The following PRKN variants were observed in gnomAD, a reference collection of about 807,000 sequenced individuals.
PRKN encodes the protein parkin RBR E3 ubiquitin protein ligase.
Under a neutral mutation model 59.5 loss-of-function variants are expected in PRKN, and 56 were observed. The ratio of observed to expected loss-of-function variants is 0.94; its 90% CI spans 0.76 to 1.18. PRKN has a LOEUF of 1.18. Ranked by LOEUF, PRKN falls within the 50% of genes most tolerant of loss-of-function variation. PRKN has a pLI of 0.00. For synonymous variants in PRKN, 250 were observed against 222.1 expected, an observed-to-expected ratio of 1.13 and a Z score of -1.12; for missense variants, 657 against 596.4, an observed-to-expected ratio of 1.10 and a Z score of -1.06.
rs10674600 is a variant in PRKN at position 161,572,660 on chromosome 6, C to CAATAAATAAATAAATA, written c.872-3260_872-3245dup. ...GGGCAACAACAGCAAGACTCTGTCTCAATAAATAAATAAATAAATAAATAA... is the reference window on the plus strand; with the variant it reads ...GGGCAACAACAGCAAGACTCTGTCTCAATAAATAAATAAATAAATAAATAAATAAATAAATAAATAA... On this transcript the variant is annotated intron_variant, in intron 7 of 11. Coordinates refer to ENST00000366898, the MANE Select transcript of PRKN (RefSeq NM_004562.3). 5.3e-3 allele frequency among the ~76,000 whole-genome samples: 793 copies of CAATAAATAAATAAATA among 149,912 alleles called. 9 individuals carry two copies. The highest frequency in any genetic ancestry group is 0.018 in the African/African-American group (715 of 40,482).
At chr6:162,603,926 G>C (rs527300195) in intron 1 of PRKN, among the ~76,000 whole-genome samples, 2 of 152,240 alleles carry the variant, frequency 1.3e-5, no homozygotes, top group South Asian at 4.1e-4. Context: ...TATTTCAGAG[G>C]AGTTTCATGA....
Position 161,497,565 on chromosome 6 carries a change from TC to T in PRKN, c.1083+51288del, listed in dbSNP as rs1777799544. On this transcript the variant is annotated intron_variant, in intron 9 of 11. Coordinates refer to ENST00000366898, the MANE Select transcript of PRKN (RefSeq NM_004562.3). This position sits in a 1 kb window ranked among gnomAD's most constrained non-coding sequence, Gnocchi z 4.6. ...CACAGTGCTTACATGTCTCTCTCTC[TC>T]TCTCTCTCTCTCACACACACACACA... is the stretch of plus-strand genomic sequence containing the variant. Among the ~76,000 whole-genome samples, 1 of 134,892 alleles carries T rather than the reference TC, an allele frequency of 7.4e-6. No homozygotes were observed. Among genetic ancestry groups the T allele is most frequent in the African/African-American group, 3.0e-5 (1 of 33,810 alleles). The allele number at this position is 134,892 out of a possible 152,430, so 88.5% of individuals were successfully genotyped here. A position where few individuals can be genotyped will look rare whatever the true frequency, so the allele number is the denominator to read the frequency against.
At chr6:161,952,422 A>T (rs1241259034) in intron 6 of PRKN, among the ~76,000 whole-genome samples, 1 of 152,198 alleles carries the variant, frequency 6.6e-6, no homozygotes, top group Non-Finnish European at 1.5e-5. Flanking sequence ...GTTCGAGACC[A>T]GCCTGGCCAA....
chr6:162,021,457 ATATATTTTTTT>A (rs1323339862), intron 5 of PRKN, among the ~76,000 whole-genome samples: 3 of 83,764 alleles, frequency 3.6e-5, no homozygotes, highest in Non-Finnish European at 5.0e-5. Flanking sequence ...ATATATATAT[ATATATTTTTTT>A]TTTTTTTTTC....
intron 4 of PRKN, among the ~76,000 whole-genome samples, chr6:162,193,425 T>C (rs888493628): frequency 6.6e-6 from 1 of 152,160 alleles, no homozygotes; most frequent in Non-Finnish European, 1.5e-5. Context: ...GGTCCCCACA[T>C]AGACTTTGAT....
At chr6:161,573,749 A>T (rs1247128073) in intron 7 of PRKN, among the ~76,000 whole-genome samples, 4,894 of 30,552 alleles carry the variant, frequency 0.16, 419 homozygotes, top group Non-Finnish European at 0.18. Context: ...AAAAAAAAAA[A>T]AAAAAAATAT....
chr6:162,399,894 T>C (rs1004752041), intron 2 of PRKN, among the ~76,000 whole-genome samples: 1 of 152,122 alleles, frequency 6.6e-6, no homozygotes, highest in Non-Finnish European at 1.5e-5. Flanking sequence ...ACGGCCTGTA[T>C]GATTTGGAAA....
In PRKN at chr6:161,518,529, C is replaced by G. The variant is rs531449; in HGVS notation, c.1083+30325G>C. Among the ~76,000 whole-genome samples, 121,357 of 151,762 alleles carry G rather than the reference C, an allele frequency of 0.8. 48,803 individuals carry two copies. Among genetic ancestry groups the G allele is most frequent in the Middle Eastern group, 0.86 (252 of 292 alleles). ...GCAATCCCAGGGCTCTGGGTGAGAGCTGAACCGAGGCTCACATCTGCCCTT... is the reference window on the plus strand; with the variant it reads ...GCAATCCCAGGGCTCTGGGTGAGAGGTGAACCGAGGCTCACATCTGCCCTT... On this transcript the variant is annotated intron_variant, in intron 9 of 11. Transcript: ENST00000366898. The surrounding 1 kb of genome is among the most constrained non-coding windows in gnomAD (Gnocchi z 5.0).
intron 1 of PRKN, among the ~76,000 whole-genome samples, chr6:162,486,476 CTG>C (rs953411662): frequency 3.3e-5 from 5 of 152,308 alleles, no homozygotes; most frequent in African/African-American, 1.2e-4. Flanking sequence ...CCAGTTGTCT[CTG>C]TTTTTCATAA....
At chr6:161,611,478 CT>C (rs1384873165) in intron 7 of PRKN, among the ~76,000 whole-genome samples, 1 of 152,190 alleles carries the variant, frequency 6.6e-6, no homozygotes, top group East Asian at 1.9e-4. Flanking sequence ...CTATTTCAAA[CT>C]TTTTTGTCAT....
chr6:162,449,180 C>T (rs138785953), intron 1 of PRKN, among the ~76,000 whole-genome samples: 107 of 152,300 alleles, frequency 7.0e-4, no homozygotes, highest in African/African-American at 2.5e-3. Context: ...AGCCACCACA[C>T]CTGGCCCTCA....
intron 9 of PRKN, among the ~76,000 whole-genome samples, chr6:161,416,911 G>T (rs1056886592): frequency 5.3e-5 from 8 of 152,154 alleles, no homozygotes; most frequent in Non-Finnish European, 7.3e-5. Context: ...CAGAATGCAG[G>T]ATTTGCATTG....
At chr6:161,993,232 A>C (rs1378909769) in intron 5 of PRKN, among the ~76,000 whole-genome samples, 1 of 152,130 alleles carries the variant, frequency 6.6e-6, no homozygotes, top group Non-Finnish European at 1.5e-5. Flanking sequence ...AAAAGATAGA[A>C]GACTCAAATA....
rs143378141 is a variant in PRKN at position 162,499,609 on chromosome 6, T to C, written c.8-56136A>G. On this transcript the variant is annotated intron_variant, in intron 1 of 11. Transcript: ENST00000366898. Reference sequence around the variant, plus strand: ...GAATTCAGGAGACCCGGACACTGTCTTCAAAGGTTGAAAGACTTTTGGAAA... The same window carrying C: ...GAATTCAGGAGACCCGGACACTGTCCTCAAAGGTTGAAAGACTTTTGGAAA... Among the ~76,000 whole-genome samples the C allele has an allele frequency of 3.4e-3, 512 of 152,322 alleles. 3 individuals carry two copies. The highest frequency in any genetic ancestry group is 0.012 in the African/African-American group (495 of 41,574).
At chr6:162,688,624 T>C (rs1777654655) in intron 1 of PRKN, among the ~76,000 whole-genome samples, 1 of 152,196 alleles carries the variant, frequency 6.6e-6, no homozygotes, top group Non-Finnish European at 1.5e-5. Context: ...ACCCATCTCC[T>C]TGTGTAGCAC....
At chr6:162,645,877 T>C (rs1262197457) in intron 1 of PRKN, among the ~76,000 whole-genome samples, 5 of 145,050 alleles carry the variant, frequency 3.4e-5, no homozygotes, top group Non-Finnish European at 6.1e-5. Flanking sequence ...TCTTTTTTTT[T>C]TTTTTTTTTT....
chr6:162,381,811 T>C (rs1292148272), intron 2 of PRKN, among the ~76,000 whole-genome samples: 1 of 152,240 alleles, frequency 6.6e-6, no homozygotes. Flanking sequence ...TAATATTCTA[T>C]ACTGATAGTT....
At chr6:162,626,291 T>C (rs1583934715) in intron 1 of PRKN, among the ~76,000 whole-genome samples, 1 of 152,292 alleles carries the variant, frequency 6.6e-6, no homozygotes. Flanking sequence ...AATGTTTCCA[T>C]TTGAAAGGTA....
At chr6:161,685,982 T>G (rs1785536484) in intron 7 of PRKN, among the ~76,000 whole-genome samples, 1 of 151,622 alleles carries the variant, frequency 6.6e-6, no homozygotes, top group Non-Finnish European at 1.5e-5. Context: ...TTGCTTCTAG[T>G]GACTTATGTA....
Sources: gnomAD v4.1 joint callset for allele counts (sites outside exome capture counted in the v4.1 genomes callset) on GRCh38, gnomAD v4.1.1 for gene constraint, Gnocchi (gnomAD v3.1) non-coding constraint, MANE v1.5 for transcripts, NCBI Gene and HGNC (gene_info 2026-07-23, HGNC 2026-07-21) for gene names.